The following CFAP44 variants were observed in gnomAD, a reference collection of about 807,000 sequenced individuals.
CFAP44 encodes the protein cilia- and flagella-associated protein 44.
Under a neutral mutation model 216.2 loss-of-function variants are expected in CFAP44, and 134 were observed. That is an observed-to-expected ratio of 0.62 (90% confidence interval 0.54 to 0.72). The LOEUF is 0.72. CFAP44 is among the 30% of genes least tolerant of loss of function. The pLI is 0.00. For synonymous variants in CFAP44, 700 were observed against 727.6 expected, an observed-to-expected ratio of 0.96 and a Z score of 0.61; for missense variants, 2,035 against 2,182.1, an observed-to-expected ratio of 0.93 and a Z score of 1.34.
chr3:113,398,863 G>A (rs1934062139), intron 13 of CFAP44, among the ~76,000 whole-genome samples: 1 of 152,196 alleles, frequency 6.6e-6, no homozygotes, highest in African/African-American at 2.4e-5. Flanking sequence ...CCCATGGACA[G>A]ATGGGGTTTA....
At chr3:113,328,696 T>TAAAAA (rs58650082) in intron 26 of CFAP44, among the ~76,000 whole-genome samples, 649 of 28,208 alleles carry the variant, frequency 0.023, 29 homozygotes, top group Admixed American at 0.034. Context: ...TTAGAGAGCT[T>TAAAAA]AAAAAAAAAA....
Position 113,420,072 on chromosome 3 carries a change from G to T in CFAP44, c.515C>A (p.Thr172Asn). Residue 172 changes from threonine to asparagine, a missense_variant, in exon 5 of 35, where the codon ACC becomes AAC. Around this residue, in one of 3 missense-constraint regions of CFAP44, gnomAD observed 1,883 missense variants for 2,023.7 expected, o/e 0.93. Transcript: ENST00000393845. ...GNQLIFLNLK[T>N]KEQIYLRSSS... Reference sequence around the variant, plus strand: ...ACTTCGCAGGTAGATCTGTTCCTTGGTTTTCAAATTCAGAAAGATCAGTTG... The same window carrying T: ...ACTTCGCAGGTAGATCTGTTCCTTGTTTTTCAAATTCAGAAAGATCAGTTG... 6.2e-7 allele frequency: 1 copy of T among 1,613,768 alleles called. No homozygotes were observed.
Position 113,401,692 on chromosome 3 carries a change from A to G in CFAP44, c.1218T>C (p.Thr406=). 1 of 1,613,608 alleles carries G rather than the reference A, an allele frequency of 6.2e-7. No homozygotes were observed. The highest frequency in any genetic ancestry group is 8.5e-7 in the Non-Finnish European group (1 of 1,179,728). The change falls in exon 10 of 35, where the codon ACT becomes ACC. Residue 406 remains threonine, a synonymous_variant. Transcript: ENST00000393845. ...TAATAGGCTCAATCTCCAACAATCC[A>G]GTCTCATCTATTACATCAGCAGTGT... The part of the protein sequence containing the change: ...TIDTADVIDE[T]GLLEIEPINE...
chr3:113,290,387 C>T lies in CFAP44; in HGVS notation c.*1170G>A, dbSNP rs1417478727. 1 of 152,218 alleles carries T rather than the reference C, an allele frequency of 6.6e-6. No individual in the cohort carries two copies. The highest frequency in any genetic ancestry group is 1.5e-5 in the Non-Finnish European group (1 of 68,044). 9.4% of individuals were successfully genotyped at this position (152,218 alleles called of 1,614,324 possible). A position where few individuals can be genotyped will look rare whatever the true frequency, so the allele number is the denominator to read the frequency against. On this transcript the variant is annotated 3_prime_UTR_variant, in exon 35 of 35. Coordinates refer to ENST00000393845, the MANE Select transcript of CFAP44 (RefSeq NM_001164496.2). The stretch of plus-strand genomic sequence containing the variant: ...GACCTGTCTGTAATTTTGGGGGGCA[C>T]ATTAGCAGGCTAATCACAGGTGAGG...
chr3:113,419,890 G>A (rs917003049), intron 5 of CFAP44, 127 bp downstream of exon 5: 2 of 886,194 alleles, frequency 2.3e-6, no homozygotes, highest in Admixed American at 5.9e-5. Context: ...AAAGACAGCT[G>A]TGCATCTCAT....
At position 113,296,867 on chromosome 3, in the gene CFAP44, C is replaced by T. The variant is rs368393292; in HGVS notation, c.5096G>A (p.Arg1699Gln). ...KTIHKMEETVRQLMISKFGRV... is the reference protein window; with the variant it reads ...KTIHKMEETVQQLMISKFGRV... ...GCCAAACTTGCTGATCATGAGCTGC[C>T]GGACTGTTTCCTCCATTTCTAAAAG... The change falls in exon 33 of 35, where the codon CGG becomes CAG. Residue 1699 changes from arginine (R) to glutamine (Q), a missense_variant. This residue lies in a region of CFAP44 where 1,883 missense variants were observed against 2,023.7 expected (regional missense o/e 0.93). Coordinates refer to ENST00000393845, the MANE Select transcript of CFAP44 (RefSeq NM_001164496.2). 1.8e-5 allele frequency: 27 copies of T among 1,537,166 alleles called. No homozygotes were observed. In the African/African-American group the frequency reaches 2.5e-4, roughly 14 times the overall value.
chr3:113,338,096 C>G (rs1206424412), intron 24 of CFAP44, among the ~76,000 whole-genome samples: 1 of 150,788 alleles, frequency 6.6e-6, no homozygotes, highest in Non-Finnish European at 1.5e-5. Flanking sequence ...AACCCTGTCT[C>G]TACTAAAAAA....
chr3:113,381,960 A>G (rs1933525111), intron 15 of CFAP44, among the ~76,000 whole-genome samples: 1 of 152,220 alleles, frequency 6.6e-6, no homozygotes, highest in African/African-American at 2.4e-5. Flanking sequence ...AAGCTTTCAG[A>G]GAAAGTGGTA....
intron 17 of CFAP44, among the ~76,000 whole-genome samples, chr3:113,378,756 A>G (rs891825321): frequency 4.6e-5 from 7 of 152,040 alleles, no homozygotes; most frequent in Admixed American, 2.6e-4. Flanking sequence ...CCTAATATCC[A>G]TTTTTCCCTT....
intron 8 of CFAP44, 48 bp from the exon 9 acceptor site, chr3:113,404,064 T>C (rs1444666590): frequency 6.7e-7 from 1 of 1,501,798 alleles, no homozygotes; most frequent in Admixed American, 2.0e-5. Flanking sequence ...CAGGTAAGTG[T>C]ACATATTTAT....
chr3:113,364,907 T>A (rs1950573750), intron 19 of CFAP44, among the ~76,000 whole-genome samples: 1 of 152,036 alleles, frequency 6.6e-6, no homozygotes, highest in Middle Eastern at 3.4e-3. Context: ...TGAGCTTAGT[T>A]GTTTTCTGTT....
At position 113,330,241 on chromosome 3, in the gene CFAP44, G is replaced by C; in HGVS notation, c.4043C>G (p.Thr1348Arg). The change falls in exon 26 of 35, where the codon ACG becomes AGG. Residue 1348 changes from threonine (T) to arginine (R), a missense_variant. Coordinates refer to ENST00000393845, the MANE Select transcript of CFAP44 (RefSeq NM_001164496.2). ...CTTCATAATTTCCAGCTCCACATCC[G>C]TTGGCTCTGCTTTTTCAAATTCCAA... ...KCLEFEKAEP[T>R]DVELEIMKRD... 6.5e-7 allele frequency: 1 copy of C among 1,537,398 alleles called. No homozygotes were observed.
intron 22 of CFAP44, among the ~76,000 whole-genome samples, chr3:113,349,903 C>T (rs1377109777): frequency 6.6e-6 from 1 of 152,208 alleles, no homozygotes; most frequent in Non-Finnish European, 1.5e-5. Flanking sequence ...ATTTCTCCCA[C>T]CTCCTCAGTT....
intron 19 of CFAP44, among the ~76,000 whole-genome samples, chr3:113,365,035 T>C (rs1044776997): frequency 6.6e-6 from 1 of 152,144 alleles, no homozygotes; most frequent in African/African-American, 2.4e-5. Context: ...TATTTTTCTA[T>C]CCAATATGGG....
chr3:113,406,833 T>C (rs1934296726), intron 8 of CFAP44, 94 bp downstream of exon 8: 4 of 736,468 alleles, frequency 5.4e-6, no homozygotes, highest in Non-Finnish European at 6.8e-6. Flanking sequence ...ATATCTGTTA[T>C]TGGCAGAGCT....
chr3:113,399,950 T>G lies in CFAP44; in HGVS notation c.1525A>C (p.Lys509Gln). 1 of 1,603,492 alleles carries G rather than the reference T, an allele frequency of 6.2e-7. No homozygotes were observed. Among genetic ancestry groups the G allele is most frequent in the Non-Finnish European group, 8.5e-7 (1 of 1,175,640 alleles). The stretch of plus-strand genomic sequence containing the variant: ...AGGGCAGTACCTCCTTGTTTGAATT[T>G]CATCTGGGCCAAAGGAGTTTTGCTA... ...FASKTPLAQM[K>Q]FKQGGTALVW... is the part of the protein sequence containing the mutation. The change falls in exon 13 of 35, where the codon AAA (lysine) becomes CAA (glutamine). Residue 509 changes from lysine (K) to glutamine (Q), a missense_variant. Physicochemically the swap from Lys to Gln is moderately conservative, Grantham distance 53. Coordinates refer to ENST00000393845, the MANE Select transcript of CFAP44 (RefSeq NM_001164496.2).
At chr3:113,375,052 G>C (rs977654179) in intron 17 of CFAP44, among the ~76,000 whole-genome samples, 7 of 152,120 alleles carry the variant, frequency 4.6e-5, no homozygotes, top group African/African-American at 1.4e-4. Flanking sequence ...TGAAACTTGG[G>C]GAAATTATCC....
intron 21 of CFAP44, chr3:113,360,131 G>GT (rs955735831): frequency 6.6e-6 from 1 of 151,052 alleles, no homozygotes; most frequent in Non-Finnish European, 1.5e-5. Context: ...TTTGTATTAC[G>GT]TAAAGAGGTT....
intron 30 of CFAP44, 99 bp from the exon 31 acceptor site, chr3:113,305,251 C>A: frequency 2.0e-6 from 2 of 1,015,778 alleles, no homozygotes; most frequent in South Asian, 1.5e-5. Context: ...AAAGCATGAG[C>A]AGAATCTGCT....
Sources: allele counts gnomAD v4.1 joint callset (sites outside exome capture counted in the v4.1 genomes callset), GRCh38; gene constraint gnomAD v4.1.1; regional missense constraint gnomAD v4.1.1; transcripts MANE v1.5; gene names NCBI Gene and HGNC (gene_info 2026-07-23, HGNC 2026-07-21).